The following FAM163A variants were observed in gnomAD, a reference collection of about 807,000 sequenced individuals.
FAM163A encodes protein FAM163A.
FAM163A carries 7 observed loss-of-function variants against 12.0 expected under a neutral mutation model. The ratio of observed to expected loss-of-function variants is 0.58; its 90% CI spans 0.33 to 1.10. FAM163A has a LOEUF of 1.10. FAM163A is among the 50% of genes least tolerant of loss of function. The pLI is 0.03. For synonymous variants in FAM163A, 101 were observed against 91.0 expected (o/e 1.11, Z -0.62); for missense variants, 202 against 218.6 (o/e 0.92, Z 0.48).
chr1:179,750,784 A>G (rs1685164200), intron 1 of FAM163A, among the ~76,000 whole-genome samples: 1 of 152,236 alleles, frequency 6.6e-6, no homozygotes, highest in Non-Finnish European at 1.5e-5. Flanking sequence ...TGAGGTGGTC[A>G]TGAGAAGATC....
At chr1:179,737,032 C>T in the FAM163A span, among the ~76,000 whole-genome samples, 7 of 152,146 alleles carry the variant, frequency 4.6e-5, no homozygotes. Flanking sequence ...TCTAAAAAAT[C>T]AGTATCTCAA....
At chr1:179,802,309 C>G (rs766266325) in intron 1 of FAM163A, among the ~76,000 whole-genome samples, 6 of 152,156 alleles carry the variant, frequency 3.9e-5, no homozygotes, top group Admixed American at 1.3e-4. Flanking sequence ...AATTCTTATG[C>G]CTCTCATGCT....
chr1:179,741,032 C>T (rs999736529), upstream of FAM163A, among the ~76,000 whole-genome samples: 1 of 152,186 alleles, frequency 6.6e-6, no homozygotes, highest in Non-Finnish European at 1.5e-5. Context: ...AAGATACTTG[C>T]AGTCTCTAAC....
intron 1 of FAM163A, among the ~76,000 whole-genome samples, chr1:179,746,772 T>A (rs1417062631): frequency 1.8e-4 from 28 of 152,018 alleles, no homozygotes; most frequent in Admixed American, 1.8e-3. Flanking sequence ...CCCACCCCCT[T>A]TTGGTTGCTT....
Position 179,800,484 on chromosome 1 carries a change from T to C in FAM163A, c.-135-7314T>C, listed in dbSNP as rs145501251. 9.4e-3 allele frequency among the ~76,000 whole-genome samples: 1,425 copies of C among 152,340 alleles called. 22 individuals carry two copies. Among genetic ancestry groups the C allele is most frequent in the African/African-American group, 0.033 (1,357 of 41,570 alleles). On this transcript the variant is annotated intron_variant, in intron 1 of 4. Transcript: ENST00000341785. ...ACAAGCCTGATGGATATGCCTACTC[T>C]GGGGTGTCTGTGCACTCCAAGCCAT... is the stretch of plus-strand genomic sequence containing the variant.
the FAM163A span, among the ~76,000 whole-genome samples, chr1:179,729,845 T>C: frequency 2.0e-5 from 3 of 152,176 alleles, no homozygotes; most frequent in East Asian, 3.9e-4. Flanking sequence ...ATGAAAAGAT[T>C]TATCTTTATG....
At chr1:179,804,655 G>C (rs1435645870) in intron 1 of FAM163A, among the ~76,000 whole-genome samples, 1 of 152,182 alleles carries the variant, frequency 6.6e-6, no homozygotes, top group African/African-American at 2.4e-5. Context: ...TCTTTTGCGG[G>C]AACATGGATG....
At chr1:179,793,761 C>T (rs1691861365) in intron 1 of FAM163A, among the ~76,000 whole-genome samples, 2 of 152,220 alleles carry the variant, frequency 1.3e-5, no homozygotes, top group South Asian at 4.1e-4. Context: ...AAGAAAGCAA[C>T]AGCCCTGCCA....
intron 1 of FAM163A, among the ~76,000 whole-genome samples, chr1:179,783,797 A>G (rs1353747071): frequency 6.8e-6 from 1 of 146,282 alleles, no homozygotes; most frequent in South Asian, 2.1e-4. Flanking sequence ...AATTTATTAT[A>G]TAATATATAA....
intron 1 of FAM163A, among the ~76,000 whole-genome samples, chr1:179,768,899 C>T (rs372481471): frequency 5.3e-5 from 8 of 151,996 alleles, no homozygotes; most frequent in African/African-American, 1.7e-4. Context: ...CCACTGCACC[C>T]GGCCTGGACA....
intron 1 of FAM163A, among the ~76,000 whole-genome samples, chr1:179,767,447 C>T (rs1291529350): frequency 1.3e-5 from 2 of 152,224 alleles, no homozygotes; most frequent in South Asian, 2.1e-4. Flanking sequence ...ATCTCCCACA[C>T]GGCTGCCAGT....
chr1:179,736,333 A>G, the FAM163A span, among the ~76,000 whole-genome samples: 1 of 148,312 alleles, frequency 6.7e-6, no homozygotes, highest in African/African-American at 2.5e-5. Context: ...TCAGTGACAA[A>G]AAAAAAAAAT....
At chr1:179,759,276 GGGCAAAAT>G in intron 1 of FAM163A, among the ~76,000 whole-genome samples, 1 of 152,038 alleles carries the variant, frequency 6.6e-6, no homozygotes, top group East Asian at 1.9e-4. Flanking sequence ...GCCCTTATGG[GGGCAAAAT>G]CACCTCCCCA....
intron 1 of FAM163A, among the ~76,000 whole-genome samples, chr1:179,747,190 A>G (rs1684600616): frequency 6.6e-6 from 1 of 151,102 alleles, no homozygotes; most frequent in South Asian, 2.1e-4. Context: ...AAGGTTTGAC[A>G]TTATCCTAGA....
chr1:179,792,371 T>C (rs1033567227), intron 1 of FAM163A, among the ~76,000 whole-genome samples: 1 of 151,236 alleles, frequency 6.6e-6, no homozygotes, highest in Non-Finnish European at 1.5e-5. Flanking sequence ...CTCAAACTCC[T>C]GTGCTCAACA....
upstream of FAM163A, among the ~76,000 whole-genome samples, chr1:179,738,810 G>A (rs867318156): frequency 3.3e-5 from 5 of 152,082 alleles, no homozygotes; most frequent in African/African-American, 1.2e-4. Flanking sequence ...TAGATATAGA[G>A]GAGATTATTC....
chr1:179,779,091 C>T (rs1280575941), intron 1 of FAM163A, among the ~76,000 whole-genome samples: 1 of 152,166 alleles, frequency 6.6e-6, no homozygotes, highest in African/African-American at 2.4e-5. Flanking sequence ...AGTGTACATT[C>T]ATATCAAAAA....
At chr1:179,744,784 G>T (rs1047334041) in intron 1 of FAM163A, among the ~76,000 whole-genome samples, 1 of 152,208 alleles carries the variant, frequency 6.6e-6, no homozygotes, top group Non-Finnish European at 1.5e-5. Context: ...GGGCCGCAGC[G>T]TGGCTGGCAG....
upstream of FAM163A, among the ~76,000 whole-genome samples, chr1:179,738,756 C>T (rs1385354103): frequency 6.6e-6 from 1 of 152,146 alleles, no homozygotes; most frequent in Non-Finnish European, 1.5e-5. Context: ...TGAATGCTTT[C>T]TCCCTAATTT....
Sources: gnomAD v4.1 joint callset for allele counts (sites outside exome capture counted in the v4.1 genomes callset) on GRCh38, gnomAD v4.1.1 for gene constraint, MANE v1.5 for transcripts, NCBI Gene and HGNC (gene_info 2026-07-23, HGNC 2026-07-21) for gene names.